Variants in PCDHGA3 observed in about 807,000 individuals in gnomAD.
The protein encoded by PCDHGA3 is protocadherin gamma-A3.
PCDHGA3 carries 40 observed loss-of-function variants against 58.5 expected under a neutral mutation model. The observed-to-expected ratio is 0.68, with a 90% CI of 0.53 to 0.89. The LOEUF (loss-of-function observed/expected upper bound fraction) is 0.89. PCDHGA3 is among the 40% of genes least tolerant of loss of function. The pLI is 0.00. For synonymous variants in PCDHGA3, 530 were observed against 525.7 expected (o/e 1.01, Z -0.11); for missense variants, 1,223 against 1,195.9 (o/e 1.02, Z -0.33).
chr5:141,354,174 T>C (rs182013448), intron 1 of PCDHGA3, among the ~76,000 whole-genome samples: 1 of 152,368 alleles, frequency 6.6e-6, no homozygotes. Flanking sequence ...ACTAAACTAT[T>C]ATCTGCACTT....
At chr5:141,400,904 T>C (rs958521699) in intron 1 of PCDHGA3, among the ~76,000 whole-genome samples, 14 of 152,250 alleles carry the variant, frequency 9.2e-5, no homozygotes, top group African/African-American at 3.4e-4. Context: ...TAATTCATCT[T>C]TTAAAGCAAA....
At chr5:141,351,186 G>GTAGA (rs757467354) in intron 1 of PCDHGA3, 2 of 1,614,046 alleles carry the variant, frequency 1.2e-6, no homozygotes, top group Admixed American at 3.3e-5. Flanking sequence ...GAAGAGACAA[G>GTAGA]TAGATATGTG....
intron 1 of PCDHGA3, among the ~76,000 whole-genome samples, chr5:141,373,446 C>T (rs1282910334): frequency 6.6e-6 from 1 of 152,132 alleles, no homozygotes. Flanking sequence ...TCCCTTGATC[C>T]CAGGAGGTAG....
In PCDHGA3 at chr5:141,351,808, C is replaced by T. The variant is rs186558249; in HGVS notation, c.2424+5351C>T. 8,386 of 1,613,306 alleles carry T rather than the reference C, an allele frequency of 5.2e-3. 46 individuals are homozygous for T. Among genetic ancestry groups the T allele is most frequent in the Admixed American group, 9.5e-3 (569 of 60,020 alleles). The stretch of plus-strand genomic sequence containing the variant: ...GGGTGGTGTTCGCGCAGCGCGCCTT[C>T]GACCACGAGCAGCTGCGCGCCTTCG... On this transcript the variant is annotated intron_variant, in intron 1 of 3. Coordinates refer to ENST00000253812, the MANE Select transcript of PCDHGA3 (RefSeq NM_018916.4).
intron 1 of PCDHGA3, chr5:141,391,218 T>A (rs1486850229): frequency 1.3e-5 from 2 of 152,172 alleles, no homozygotes; most frequent in South Asian, 2.1e-4. Flanking sequence ...AGGAACATTA[T>A]ATGAGCCTTT....
chr5:141,500,345 A>G (rs1459262760), intron 2 of PCDHGA3, among the ~76,000 whole-genome samples: 3 of 151,916 alleles, frequency 2.0e-5, no homozygotes, highest in Non-Finnish European at 4.4e-5. Context: ...AATAGCTGGG[A>G]CTACAGGCGC....
rs1364667381 is a variant in PCDHGA3, at chr5:141,355,397, T to G, written c.2424+8940T>G. The G allele has an allele frequency of 3.7e-6, 6 of 1,614,048 alleles. No individual in the cohort carries two copies. The South Asian group carries it at 6.6e-5, about 18-fold the overall frequency. On this transcript the variant is annotated intron_variant, in intron 1 of 3. Coordinates refer to ENST00000253812, the MANE Select transcript of PCDHGA3 (RefSeq NM_018916.4). ...GAGCTGGCGGAGCGCGGAGTCCGCA[T>G]CGTCTCCAGAGGTAGGACGCAGCTT...
At chr5:141,390,523 G>A in intron 1 of PCDHGA3, 1 of 556,304 alleles carries the variant, frequency 1.8e-6, no homozygotes, top group Non-Finnish European at 3.1e-6. Context: ...AGCAATGAGG[G>A]TGTGGTTTTA....
intron 3 of PCDHGA3, 62 bp downstream of exon 3, chr5:141,505,543 C>T: frequency 6.2e-7 from 1 of 1,609,636 alleles, no homozygotes; most frequent in Non-Finnish European, 8.5e-7. Flanking sequence ...GTGCATCTCA[C>T]AGCCACCATG....
chr5:141,413,788 G>T (rs2095678300), intron 1 of PCDHGA3: 1 of 1,613,166 alleles, frequency 6.2e-7, no homozygotes, highest in African/African-American at 1.3e-5. Flanking sequence ...GCACTCCCTA[G>T]ATCGCGAGGA....
Position 141,385,070 on chromosome 5 carries a change from T to C in PCDHGA3, c.2424+38613T>C, listed in dbSNP as rs766950021. 28 of 1,614,094 alleles carry C rather than the reference T, an allele frequency of 1.7e-5. No individual in the cohort carries two copies. In the South Asian group the frequency reaches 3.0e-4, roughly 17 times the overall value. ...CTGCGGCGCTGGCACAAGTCACGCC[T>C]GCTGCAGGCTTCAGAAGGTGGCTTG... On this transcript the variant is annotated intron_variant, in intron 1 of 3. Coordinates refer to ENST00000253812, the MANE Select transcript of PCDHGA3 (RefSeq NM_018916.4).
At chr5:141,374,080 A>T in intron 1 of PCDHGA3, 1 of 1,520,068 alleles carries the variant, frequency 6.6e-7, no homozygotes. Context: ...CTAATAAGCC[A>T]GTAATGGCGC....
chr5:141,505,704 G>A (rs770933428), intron 3 of PCDHGA3, among the ~76,000 whole-genome samples: 1 of 152,184 alleles, frequency 6.6e-6, no homozygotes, highest in Non-Finnish European at 1.5e-5. Context: ...GAGCGAACAA[G>A]GAAAAGACTC....
chr5:141,400,369 T>C (rs2150855153), intron 1 of PCDHGA3: 2 of 1,614,078 alleles, frequency 1.2e-6, no homozygotes, highest in Admixed American at 3.3e-5. Context: ...GCCTTATTCC[T>C]ACAACCTATG....
intron 1 of PCDHGA3, chr5:141,478,852 A>G (rs2099480601): frequency 7.3e-7 from 1 of 1,367,502 alleles, no homozygotes; most frequent in African/African-American, 1.5e-5. Flanking sequence ...GCTAAAACAC[A>G]AGATCTCAGC....
At chr5:141,390,867 CGTGTGTGTGT>C (rs61319619) in intron 1 of PCDHGA3, 1 of 151,040 alleles carries the variant, frequency 6.6e-6, no homozygotes, top group African/African-American at 2.5e-5. Context: ...GCTGTGTGTG[CGTGTGTGTGT>C]GTGTGTGTGT....
intron 1 of PCDHGA3, among the ~76,000 whole-genome samples, chr5:141,455,286 T>G (rs889792228): frequency 6.6e-6 from 1 of 152,176 alleles, no homozygotes; most frequent in African/African-American, 2.4e-5. Flanking sequence ...AACATCACTT[T>G]ACATAGTTTC....
At chr5:141,433,256 C>G (rs760130587) in intron 1 of PCDHGA3, 2 of 1,385,666 alleles carry the variant, frequency 1.4e-6, no homozygotes, top group Non-Finnish European at 2.0e-6. Context: ...TGCAGCGGTA[C>G]GATCATAGCT....
At chr5:141,478,675 G>T in intron 1 of PCDHGA3, 1 of 1,551,574 alleles carries the variant, frequency 6.4e-7, no homozygotes, top group Non-Finnish European at 8.7e-7. Flanking sequence ...ACTTTCAACT[G>T]GCCCTTCCTA....
Sources: allele counts gnomAD v4.1 joint callset (sites outside exome capture counted in the v4.1 genomes callset), GRCh38; gene constraint gnomAD v4.1.1; transcripts MANE v1.5; gene names NCBI Gene and HGNC (gene_info 2026-07-23, HGNC 2026-07-21).